Variants in TTLL13 observed in about 807,000 individuals in gnomAD.
TTLL13 encodes the protein tubulin polyglutamylase TTLL13.
At chr15:90,258,219 C>T in the TTLL13 span, 1 of 1,614,240 alleles carries the variant, frequency 6.2e-7, no homozygotes, top group Non-Finnish European at 8.5e-7. Context: ...TTTTGAAATC[C>T]TTGGTTTTGA....
the TTLL13 span, chr15:90,249,622 G>T: frequency 6.6e-6 from 1 of 152,266 alleles, no homozygotes; most frequent in African/African-American, 2.4e-5. Context: ...CCCTGCGGGG[G>T]AGCAGCTTCC....
the TTLL13 span, among the ~76,000 whole-genome samples, chr15:90,256,626 CTTCCTTCCTTCCTTCTTTCT>C: frequency 5.0e-5 from 4 of 80,118 alleles, no homozygotes; most frequent in African/African-American, 8.8e-5. Flanking sequence ...TCCTTCCTTC[CTTCCTTCCTTCCTTCTTTCT>C]TTCTCCCTTT....
At chr15:90,261,380 C>CT in the TTLL13 span, among the ~76,000 whole-genome samples, 2,209 of 141,332 alleles carry the variant, frequency 0.016, 54 homozygotes, top group African/African-American at 0.049. Context: ...TGCCCGGCCA[C>CT]TTTTTTTTTT....
At chr15:90,264,881 A>T in the TTLL13 span, 4 of 1,536,140 alleles carry the variant, frequency 2.6e-6, no homozygotes, top group Admixed American at 2.0e-5. Flanking sequence ...CTCTGAACAC[A>T]GAGCAGCCAA....
At chr15:90,257,561 GCAA>G in the TTLL13 span, 1 of 1,363,448 alleles carries the variant, frequency 7.3e-7, no homozygotes, top group Non-Finnish European at 1.0e-6. Context: ...GGGGTGGGGA[GCAA>G]CAAGGTAATG....
the TTLL13 span, among the ~76,000 whole-genome samples, chr15:90,264,412 C>G: frequency 6.6e-6 from 1 of 152,262 alleles, no homozygotes; most frequent in Middle Eastern, 3.4e-3. Flanking sequence ...AACTCCTGAT[C>G]CACCTGAATC....
the TTLL13 span, chr15:90,258,337 C>T: frequency 7.4e-7 from 1 of 1,350,192 alleles, no homozygotes; most frequent in South Asian, 1.2e-5. Context: ...ACACCTGGGA[C>T]AGGGGTACAC....
chr15:90,257,356 GGTTT>G, the TTLL13 span: 2 of 1,523,694 alleles, frequency 1.3e-6, no homozygotes, highest in Non-Finnish European at 1.8e-6. Flanking sequence ...ATGGTAGAGA[GGTTT>G]GTCACTGTCA....
At chr15:90,262,133 C>A in the TTLL13 span, 1 of 1,535,874 alleles carries the variant, frequency 6.5e-7, no homozygotes. Flanking sequence ...CTTCTTCAAG[C>A]ACAATGGCTC....
At chr15:90,265,297 T>A in the TTLL13 span, 16 of 1,211,992 alleles carry the variant, frequency 1.3e-5, no homozygotes, top group Non-Finnish European at 1.7e-5. Context: ...CAGGAGACAA[T>A]GAGCCCCTTT....
chr15:90,256,200 C>CA, the TTLL13 span: 3 of 1,614,184 alleles, frequency 1.9e-6, no homozygotes, highest in Non-Finnish European at 2.5e-6. Context: ...ATCTGCAAGC[C>CA]AGACAGTGGC....
chr15:90,255,880 C>T, the TTLL13 span: 33 of 1,614,034 alleles, frequency 2.0e-5, 1 homozygote, highest in Middle Eastern at 3.3e-4. Flanking sequence ...GGTGCCTCCC[C>T]GCAGAGTGAG....
At chr15:90,255,232 C>T in the TTLL13 span, among the ~76,000 whole-genome samples, 1 of 152,322 alleles carries the variant, frequency 6.6e-6, no homozygotes, top group South Asian at 2.1e-4. Context: ...TACTTGGTGG[C>T]ATCCCGGATG....
At chr15:90,257,051 T>C in the TTLL13 span, 1 of 1,250,548 alleles carries the variant, frequency 8.0e-7, no homozygotes, top group South Asian at 1.5e-5. Context: ...GGAAATTCAA[T>C]TAGCTATGTG....
the TTLL13 span, among the ~76,000 whole-genome samples, chr15:90,264,214 C>T: frequency 6.6e-6 from 1 of 151,776 alleles, no homozygotes; most frequent in East Asian, 1.9e-4. Flanking sequence ...TTTTTTGAGA[C>T]AAGGTCACGC....
At chr15:90,253,271 T>A in the TTLL13 span, 21 of 1,613,780 alleles carry the variant, frequency 1.3e-5, no homozygotes, top group East Asian at 4.5e-4. Flanking sequence ...CCCAAATGTG[T>A]GGCCTGAAGG....
chr15:90,250,490 T>G, the TTLL13 span: 1 of 1,017,954 alleles, frequency 9.8e-7, no homozygotes, highest in Non-Finnish European at 1.4e-6. Flanking sequence ...AACAGTTTTG[T>G]CCTGAAGGGG....
the TTLL13 span, among the ~76,000 whole-genome samples, chr15:90,253,525 TCTC>T: frequency 6.6e-6 from 1 of 152,174 alleles, no homozygotes; most frequent in Non-Finnish European, 1.5e-5. Flanking sequence ...AATGGAAAGA[TCTC>T]CTCTTGGAGA....
the TTLL13 span, among the ~76,000 whole-genome samples, chr15:90,261,616 C>A: frequency 8.6e-5 from 13 of 151,950 alleles, no homozygotes; most frequent in East Asian, 2.4e-3. Flanking sequence ...CCTGTCTCTA[C>A]TAAAAATACA....
Sources: allele counts gnomAD v4.1 joint callset (sites outside exome capture counted in the v4.1 genomes callset), GRCh38; gene constraint gnomAD v4.1.1; transcripts MANE v1.5; gene names NCBI Gene and HGNC (gene_info 2026-07-23, HGNC 2026-07-21).